The following TMEM181 variants were observed in gnomAD, a reference collection of about 807,000 sequenced individuals.
TMEM181 encodes G protein-coupled receptor 178.
Under a neutral mutation model 71.9 loss-of-function variants are expected in TMEM181, and 39 were observed. The observed-to-expected ratio is 0.54, with a 90% CI of 0.42 to 0.71. The LOEUF is 0.71. Ranked by LOEUF, TMEM181 falls within the 30% of genes least tolerant of loss-of-function variation. The probability of loss-of-function intolerance (pLI) is 0.00; values close to 1 mark genes in which losing one functional copy is unlikely to be tolerated. For missense variants in TMEM181, 595 were observed against 583.0 expected (o/e 1.02, Z -0.21); for synonymous variants, 245 against 228.8 (o/e 1.07, Z -0.64).
chr6:158,625,072 TC>T, intron 11 of TMEM181, 31 bp from the exon 12 acceptor site: 9 of 1,559,982 alleles, frequency 5.8e-6, no homozygotes, highest in Admixed American at 1.7e-5. Context: ...GAGGCCCTGT[TC>T]CGACTCAAGT....
intron 1 of TMEM181, among the ~76,000 whole-genome samples, chr6:158,545,447 G>A (rs996419353): frequency 3.3e-5 from 5 of 152,222 alleles, no homozygotes; most frequent in African/African-American, 1.2e-4. Flanking sequence ...TTGAGCGAAG[G>A]GCTGATCGCC....
intron 6 of TMEM181, among the ~76,000 whole-genome samples, chr6:158,602,722 G>A (rs545310477): frequency 2.6e-5 from 4 of 151,708 alleles, no homozygotes; most frequent in Admixed American, 6.6e-5. Flanking sequence ...GAATACAGGC[G>A]CACGCCACCA....
chr6:158,553,412 AAC>A (rs1781777587), intron 1 of TMEM181, among the ~76,000 whole-genome samples: 3 of 152,338 alleles, frequency 2.0e-5, no homozygotes, highest in African/African-American at 7.2e-5. Flanking sequence ...TTTCTCTGTT[AAC>A]CATTTTTATA....
chr6:158,626,898 T>C (rs1786318460), intron 13 of TMEM181, among the ~76,000 whole-genome samples: 2 of 134,606 alleles, frequency 1.5e-5, no homozygotes, highest in African/African-American at 2.9e-5. Flanking sequence ...CCCCACACCT[T>C]CACTCACACA....
chr6:158,632,306 G>GGGAAGCCTTTTT lies in TMEM181; in HGVS notation c.*418_*419insGGAAGCCTTTTT, dbSNP rs1361518501. 2 of 205,622 alleles carry GGGAAGCCTTTTT rather than the reference G, an allele frequency of 9.7e-6. No homozygotes were observed. Among genetic ancestry groups the GGGAAGCCTTTTT allele is most frequent in the African/African-American group, 4.7e-5 (2 of 42,872 alleles). 12.7% of individuals were successfully genotyped at this position (205,622 alleles called of 1,614,324 possible). A position where few individuals can be genotyped will look rare whatever the true frequency, so the allele number is the denominator to read the frequency against. ...TCTTTCTTCCCTTTTCCATGGTACT[G>GGGAAGCCTTTTT]TTTTGTGACCCTTTAAACTCAAAGG... On this transcript the variant is annotated 3_prime_UTR_variant, in exon 17 of 17. Coordinates refer to ENST00000684151, the MANE Select transcript of TMEM181 (RefSeq NM_001376852.1).
intron 1 of TMEM181, chr6:158,572,281 A>G (rs890210287): frequency 7.5e-6 from 3 of 397,530 alleles, no homozygotes; most frequent in African/African-American, 6.4e-5. Context: ...CCGTGAAGCC[A>G]GTAACCTTCC....
At chr6:158,560,555 C>T (rs1377486965) in intron 1 of TMEM181, among the ~76,000 whole-genome samples, 2 of 152,154 alleles carry the variant, frequency 1.3e-5, no homozygotes, top group Non-Finnish European at 2.9e-5. Flanking sequence ...CGCTGCGGCC[C>T]TTCCCCGGCG....
Position 158,631,890 on chromosome 6 carries a change from C to T in TMEM181, c.*2C>T. ...AAGGAGGAGTCAGATAGTGACTGAG[C>T]CCCGGCCAGCCCAGCGAGGCGACAA... On this transcript the variant is annotated 3_prime_UTR_variant, in exon 17 of 17. Transcript: ENST00000684151. 6.3e-7 allele frequency: 1 copy of T among 1,583,526 alleles called. No individual in the cohort carries two copies. The highest frequency in any genetic ancestry group is 8.6e-7 in the Non-Finnish European group (1 of 1,164,154).
intron 6 of TMEM181, among the ~76,000 whole-genome samples, chr6:158,590,789 G>A (rs1784069579): frequency 1.3e-5 from 2 of 152,318 alleles, no homozygotes; most frequent in South Asian, 4.1e-4. Flanking sequence ...CACAGTCGTG[G>A]AGCTGTCCAG....
rs1386881556 is a variant in TMEM181 at position 158,629,782 on chromosome 6, G to A, written c.1245G>A (p.Leu415=). 6.2e-7 allele frequency: 1 copy of A among 1,613,852 alleles called. No homozygotes were observed. The highest frequency in any genetic ancestry group is 1.3e-5 in the African/African-American group (1 of 74,894). Residue 415 remains leucine, a synonymous_variant, in exon 15 of 17, where the codon TTG becomes TTA. Transcript: ENST00000684151. ...TGTTGAACTTCTATCTCTACACCTT[G>A]GCCTTTGTATATTCTCCATCGAAGA... ...YGLLNFYLYT[L]AFVYSPSKNA... is the part of the protein sequence containing the mutation.
intron 10 of TMEM181, among the ~76,000 whole-genome samples, chr6:158,612,118 T>C (rs550453512): frequency 2.6e-5 from 4 of 152,304 alleles, no homozygotes; most frequent in African/African-American, 9.6e-5. Flanking sequence ...AGTGTGAAGT[T>C]CGGTGGTTAC....
rs185074739 is a variant in TMEM181 at position 158,620,159 on chromosome 6, G to C, written c.897-3391G>C. Among the ~76,000 whole-genome samples, 1 of 152,320 alleles carries C rather than the reference G, an allele frequency of 6.6e-6. No homozygotes were observed. Among genetic ancestry groups the C allele is most frequent in the East Asian group, 1.9e-4 (1 of 5,188 alleles). Reference sequence around the variant, plus strand: ...GAGGTTGTGAAGGAGACAGCCCAGAGGGGAGGCGTGGGAATGTGGGATGGT... The same window carrying C: ...GAGGTTGTGAAGGAGACAGCCCAGACGGGAGGCGTGGGAATGTGGGATGGT... On this transcript the variant is annotated intron_variant, in intron 10 of 16. Transcript: ENST00000684151. This position sits in a 1 kb window ranked among gnomAD's most constrained non-coding sequence, Gnocchi z 4.5.
intron 1 of TMEM181, among the ~76,000 whole-genome samples, chr6:158,541,974 C>G (rs565564881): frequency 7.3e-6 from 1 of 137,586 alleles, no homozygotes; most frequent in South Asian, 2.5e-4. Context: ...GGCCTGATCT[C>G]AGCTCATTGC....
chr6:158,539,105 C>T lies in TMEM181; in HGVS notation c.131+2240C>T, dbSNP rs1277744974. On this transcript the variant is annotated intron_variant, in intron 1 of 16. Transcript: ENST00000367090. ...ACAGCAAGCATTTGAGTCTTTGCTC[C>T]AGGAGCCACTTCCTTAGTTGAGTTG... Among the ~76,000 whole-genome samples, 3 of 152,310 alleles carry T rather than the reference C, an allele frequency of 2.0e-5. No homozygotes were observed. In the East Asian group the frequency reaches 5.8e-4, roughly 29 times the overall value.
chr6:158,560,000 C>T (rs535767453), upstream of TMEM181: 1,280 of 973,128 alleles, frequency 1.3e-3, 1 homozygote, highest in Middle Eastern at 5.8e-3. Context: ...CCCCCCTCGC[C>T]GCGCGCCCGC....
intron 6 of TMEM181, among the ~76,000 whole-genome samples, chr6:158,601,991 C>T (rs2128313011): frequency 6.6e-6 from 1 of 152,224 alleles, no homozygotes; most frequent in East Asian, 1.9e-4. Context: ...GTATAGTTGA[C>T]ACACAGTGAA....
At position 158,581,079 on chromosome 6, in the gene TMEM181, T is replaced by C. The variant is rs142329722; in HGVS notation, c.168+84T>C. On this transcript the variant is annotated intron_variant, in intron 3 of 16. Transcript: ENST00000684151. ...TGAGAAATGGTTCCGCTTAGAGTCT[T>C]TAAGGTAGCCTTCCCTTGCCTTGCG... is the stretch of plus-strand genomic sequence containing the variant. 198 of 1,344,594 alleles carry C rather than the reference T, an allele frequency of 1.5e-4. No homozygotes were observed. The African/African-American group carries it at 2.6e-3, about 18-fold the overall frequency. The allele number at this position is 1,344,594 out of a possible 1,614,324, so 83.3% of individuals were successfully genotyped here. A position where few individuals can be genotyped will look rare whatever the true frequency, so the allele number is the denominator to read the frequency against.
intron 6 of TMEM181, among the ~76,000 whole-genome samples, chr6:158,594,191 C>T (rs141006235): frequency 6.9e-4 from 104 of 150,854 alleles, no homozygotes; most frequent in African/African-American, 2.4e-3. Context: ...CTCCGCCTCC[C>T]AGGTTCAAGT....
intron 5 of TMEM181, among the ~76,000 whole-genome samples, chr6:158,585,945 T>G (rs1202218906): frequency 6.6e-6 from 1 of 152,182 alleles, no homozygotes; most frequent in Non-Finnish European, 1.5e-5. Context: ...CTGCCTTAAC[T>G]TCCCAAGTAA....
Sources: gnomAD v4.1 joint callset for allele counts (sites outside exome capture counted in the v4.1 genomes callset) on GRCh38, gnomAD v4.1.1 for gene constraint, Gnocchi (gnomAD v3.1) non-coding constraint, MANE v1.5 for transcripts, NCBI Gene and HGNC (gene_info 2026-07-23, HGNC 2026-07-21) for gene names.